KIF26A: variants seen among roughly 807,000 people sequenced by gnomAD.
KIF26A encodes kinesin-like protein KIF26A.
A neutral mutation model predicts 126.0 loss-of-function variants in KIF26A; 74 were observed. The observed-to-expected ratio is 0.59, with a 90% CI of 0.49 to 0.71. The LOEUF (loss-of-function observed/expected upper bound fraction) is 0.71, where lower values mean the gene tolerates loss of function less well. KIF26A is among the 30% of genes least tolerant of loss of function. The pLI is 0.00. For missense variants in KIF26A, 2,984 were observed against 2,763.3 expected, an observed-to-expected ratio of 1.08 and a Z score of -1.79; for synonymous variants, 1,445 against 1,232.7, an observed-to-expected ratio of 1.17 and a Z score of -3.61.
rs1056008954 is a variant in KIF26A at position 104,151,223 on chromosome 14, G to A, written c.289-792G>A. Among the ~76,000 whole-genome samples, 1 of 152,168 alleles carries A rather than the reference G, an allele frequency of 6.6e-6. No individual in the cohort carries two copies. The highest frequency in any genetic ancestry group is 1.5e-5 in the Non-Finnish European group (1 of 68,034). ...CCCTGACTCTGAGGCTGGGTGAGGC[G>A]CATCCTCCTCTGGGTTCTTCTGGCT... On this transcript the variant is annotated intron_variant, in intron 2 of 14. Coordinates refer to ENST00000423312, the MANE Select transcript of KIF26A (RefSeq NM_015656.2). The surrounding 1 kb of genome is among the most constrained non-coding windows in gnomAD (Gnocchi z 4.9).
chr14:104,179,278 A>C lies in KIF26A; in HGVS notation c.5359A>C (p.Arg1787=). Residue 1787 remains arginine (R), a synonymous_variant, in exon 14 of 15, where the codon AGG becomes CGG. Coordinates refer to ENST00000423312, the MANE Select transcript of KIF26A (RefSeq NM_015656.2). Reference sequence around the variant, plus strand: ...TACAAGGCTGCGGCTGGCGGAGCGCAGGCAGCAGCGGCTGCGGGAGGTGCA... The same window carrying C: ...TACAAGGCTGCGGCTGGCGGAGCGCCGGCAGCAGCGGCTGCGGGAGGTGCA... ...VSTRLRLAER[R]QQRLREVQAK... is the part of the protein sequence containing the mutation. 6.5e-7 allele frequency: 1 copy of C among 1,529,386 alleles called. No homozygotes were observed. The highest frequency in any genetic ancestry group is 8.8e-7 in the Non-Finnish European group (1 of 1,142,360). 94.7% of individuals were successfully genotyped at this position (1,529,386 alleles called of 1,614,324 possible).
chr14:104,174,725 G>C (rs968910341), intron 11 of KIF26A, among the ~76,000 whole-genome samples: 12 of 152,198 alleles, frequency 7.9e-5, no homozygotes, highest in African/African-American at 2.7e-4. Context: ...GGGCACACAT[G>C]CTTGTCTTTT....
chr14:104,157,354 A>G (rs1870837583), intron 3 of KIF26A, among the ~76,000 whole-genome samples: 1 of 152,096 alleles, frequency 6.6e-6, no homozygotes, highest in African/African-American at 2.4e-5. Flanking sequence ...TGCTCCCAGG[A>G]GGCTCAGGGG....
chr14:104,166,824 CCA>C, intron 4 of KIF26A, 33 bp from the exon 5 acceptor site: 4 of 1,507,430 alleles, frequency 2.7e-6, no homozygotes, highest in Non-Finnish European at 3.6e-6. Flanking sequence ...CTGCTGTCAC[CCA>C]CCACTGATCC....
At chr14:104,164,915 C>G (rs28722169) in intron 4 of KIF26A, among the ~76,000 whole-genome samples, 1 of 151,012 alleles carries the variant, frequency 6.6e-6, no homozygotes, top group Non-Finnish European at 1.5e-5. Flanking sequence ...ATGTGTCTGT[C>G]TCTGTGTGTG....
At position 104,179,677 on chromosome 14, in the gene KIF26A, G is replaced by A. The variant is rs1293240590; in HGVS notation, c.5536G>A (p.Ala1846Thr). ...YLAALERATAALEQCVNLCKA... is the reference protein window; with the variant it reads ...YLAALERATATLEQCVNLCKA... ...GGCGGCCCTGGAGCGAGCCACGGCG[G>A]CCCTGGAGCAGTGCGTGAACCTGTG... is the stretch of plus-strand genomic sequence containing the variant. Residue 1846 changes from alanine (A) to threonine (T), a missense_variant, in exon 15 of 15, where the codon GCC (alanine) becomes ACC (threonine). Transcript: ENST00000423312. 1 of 1,548,850 alleles carries A rather than the reference G, an allele frequency of 6.5e-7. No individual in the cohort carries two copies. Among genetic ancestry groups the A allele is most frequent in the Admixed American group, 2.0e-5 (1 of 50,932 alleles).
In KIF26A at chr14:104,177,714, G is replaced by A. The variant is rs753796697; in HGVS notation, c.4926G>A (p.Pro1642=). The A allele has an allele frequency of 3.5e-5, 54 of 1,531,252 alleles. No homozygotes were observed. In the Middle Eastern group the frequency reaches 9.1e-4, roughly 26 times the overall value. The allele number at this position is 1,531,252 out of a possible 1,614,324, so 94.9% of individuals were successfully genotyped here. A position where few individuals can be genotyped will look rare whatever the true frequency, so the allele number is the denominator to read the frequency against. Reference sequence around the variant, plus strand: ...GCAGCGTGCTGAGTGGAGAGCTGCCGCCCGCCATGGGCCGCACCGCCCTTT... The same window carrying A: ...GCAGCGTGCTGAGTGGAGAGCTGCCACCCGCCATGGGCCGCACCGCCCTTT... ...DNSSVLSGEL[P]PAMGRTALFH... The change falls in exon 12 of 15, where the codon CCG becomes CCA. Residue 1642 remains proline, a synonymous_variant. Coordinates refer to ENST00000423312, the MANE Select transcript of KIF26A (RefSeq NM_015656.2).
At chr14:104,162,467 G>A (rs1596140990) in intron 4 of KIF26A, among the ~76,000 whole-genome samples, 1 of 152,316 alleles carries the variant, frequency 6.6e-6, no homozygotes, top group East Asian at 1.9e-4. Context: ...TGTGGCCGAC[G>A]GGGCAAAGGG....
chr14:104,179,816 G>A lies in KIF26A; in HGVS notation c.*26G>A, dbSNP rs2141123568. The A allele has an allele frequency of 1.3e-6, 2 of 1,498,186 alleles. No individual in the cohort carries two copies. The highest frequency in any genetic ancestry group is 1.4e-5 in the African/African-American group (1 of 72,420). 92.8% of individuals were successfully genotyped at this position (1,498,186 alleles called of 1,614,324 possible). A position where few individuals can be genotyped will look rare whatever the true frequency, so the allele number is the denominator to read the frequency against. On this transcript the variant is annotated 3_prime_UTR_variant, in exon 15 of 15. Coordinates refer to ENST00000423312, the MANE Select transcript of KIF26A (RefSeq NM_015656.2). ...GGCTGGGCGCCGGACAAGAGGAGGGGGCGTGCAGCGGGCTGGAGGACGGGA... is the reference window on the plus strand; with the variant it reads ...GGCTGGGCGCCGGACAAGAGGAGGGAGCGTGCAGCGGGCTGGAGGACGGGA...
intron 4 of KIF26A, among the ~76,000 whole-genome samples, chr14:104,159,747 G>A (rs1299340370): frequency 2.0e-5 from 3 of 152,220 alleles, no homozygotes; most frequent in Non-Finnish European, 2.9e-5. Context: ...CAGGTGGCAG[G>A]TCGTGGTTCA....
chr14:104,147,122 C>T (rs1280469253), intron 2 of KIF26A, among the ~76,000 whole-genome samples: 1 of 152,138 alleles, frequency 6.6e-6, no homozygotes, highest in Non-Finnish European at 1.5e-5. Context: ...GACCCCCAGG[C>T]CCCTGCAGTG....
chr14:104,172,280 G>C (rs933206256), intron 6 of KIF26A, among the ~76,000 whole-genome samples: 1 of 152,228 alleles, frequency 6.6e-6, no homozygotes, highest in Admixed American at 6.5e-5. Flanking sequence ...GTGTGGCTGC[G>C]TGTGCGTCTC....
intron 2 of KIF26A, among the ~76,000 whole-genome samples, chr14:104,142,056 T>C (rs1890984): frequency 1 from 152,230 of 152,302 alleles, 76,079 homozygotes; most frequent in Non-Finnish European, 1. Flanking sequence ...TGTGTGCTCT[T>C]GTCTGCCTGA....
At chr14:104,172,015 C>A in intron 6 of KIF26A, 80 bp downstream of exon 6, 3 of 1,342,004 alleles carry the variant, frequency 2.2e-6, no homozygotes, top group South Asian at 1.3e-5. Context: ...GATCTGCGCC[C>A]GCTTCTCCGT....
At chr14:104,164,747 CTGTG>C (rs753080650) in intron 4 of KIF26A, among the ~76,000 whole-genome samples, 5 of 148,376 alleles carry the variant, frequency 3.4e-5, no homozygotes, top group African/African-American at 7.5e-5. Context: ...GTGCGCGTGT[CTGTG>C]TGTGTGCGCG....
chr14:104,172,801 G>A, intron 7 of KIF26A, 133 bp downstream of exon 7: 3 of 1,093,526 alleles, frequency 2.7e-6, no homozygotes, highest in South Asian at 3.1e-5. Context: ...CATATGGGGT[G>A]AGGGGCTTGT....
At chr14:104,161,384 T>C (rs1467613719) in intron 4 of KIF26A, among the ~76,000 whole-genome samples, 1 of 152,158 alleles carries the variant, frequency 6.6e-6, no homozygotes, top group Non-Finnish European at 1.5e-5. Flanking sequence ...CCATAAGTGA[T>C]TCCTGCACGC....
intron 4 of KIF26A, among the ~76,000 whole-genome samples, chr14:104,159,685 A>T (rs2037815653): frequency 6.6e-6 from 1 of 152,186 alleles, no homozygotes; most frequent in African/African-American, 2.4e-5. Context: ...GGCTGCCATT[A>T]CTTCCAGCCT....
rs1456753159 is a variant in KIF26A, at chr14:104,172,572, T to G, written c.1327-3T>G. The G allele has an allele frequency of 6.2e-7, 1 of 1,611,032 alleles. No individual in the cohort carries two copies. The highest frequency in any genetic ancestry group is 8.5e-7 in the Non-Finnish European group (1 of 1,178,468). On this transcript the variant is annotated splice_polypyrimidine_tract_variant and splice_region_variant and intron_variant, in intron 6 of 14. Transcript: ENST00000423312. ...GCCCTGCCTGATTCTCTTGCCCCCC[T>G]AGGCCGAAGTCTGCTCGGGGACCGT... is the stretch of plus-strand genomic sequence containing the variant.
Sources: allele counts gnomAD v4.1 joint callset (sites outside exome capture counted in the v4.1 genomes callset), GRCh38; gene constraint gnomAD v4.1.1; non-coding constraint Gnocchi (gnomAD v3.1); transcripts MANE v1.5; gene names NCBI Gene and HGNC (gene_info 2026-07-23, HGNC 2026-07-21).